Variants in PRDM16 observed in about 807,000 individuals in gnomAD.
PRDM16 encodes the protein histone-lysine N-methyltransferase PRDM16.
Under a neutral mutation model 110.6 loss-of-function variants are expected in PRDM16, and 23 were observed. The ratio of observed to expected loss-of-function variants is 0.21; its 90% CI spans 0.15 to 0.29. PRDM16 has a LOEUF of 0.29. PRDM16 is among the 10% of genes least tolerant of loss of function. The probability of loss-of-function intolerance (pLI) is 1.00; values close to 1 mark genes in which losing one functional copy is unlikely to be tolerated. For missense variants in PRDM16, 1,615 were observed against 1,794.3 expected, an observed-to-expected ratio of 0.90 and a Z score of 1.81; for synonymous variants, 799 against 781.8, an observed-to-expected ratio of 1.02 and a Z score of -0.37.
At chr1:3,076,359 G>T (rs1000414428) in intron 1 of PRDM16, among the ~76,000 whole-genome samples, 5 of 152,208 alleles carry the variant, frequency 3.3e-5, no homozygotes, top group Non-Finnish European at 7.3e-5. Context: ...CAGAGGATCT[G>T]TTGGGGCGGG....
chr1:3,099,021 C>T (rs1028561705), intron 1 of PRDM16, among the ~76,000 whole-genome samples: 5 of 152,222 alleles, frequency 3.3e-5, no homozygotes, highest in Non-Finnish European at 7.3e-5. Context: ...GAGGGTTGGG[C>T]CACCCACTCC....
At chr1:3,150,934 G>C (rs1382138880) in intron 1 of PRDM16, among the ~76,000 whole-genome samples, 1 of 88,424 alleles carries the variant, frequency 1.1e-5, no homozygotes, top group Non-Finnish European at 2.2e-5. Context: ...GAAACGGGGG[G>C]GCTGGTCCTA....
At chr1:3,356,085 G>T (rs1390955886) in intron 3 of PRDM16, among the ~76,000 whole-genome samples, 1 of 152,222 alleles carries the variant, frequency 6.6e-6, no homozygotes, top group Non-Finnish European at 1.5e-5. Flanking sequence ...GACCTTTCAT[G>T]TTCTTCTGGA....
At chr1:3,075,614 A>G (rs762971247) in intron 1 of PRDM16, among the ~76,000 whole-genome samples, 1 of 152,290 alleles carries the variant, frequency 6.6e-6, no homozygotes, top group Non-Finnish European at 1.5e-5. Flanking sequence ...CACTGTTAAA[A>G]TAATTTATAA....
chr1:3,419,927 C>G (rs554855221), intron 12 of PRDM16, among the ~76,000 whole-genome samples: 103 of 151,762 alleles, frequency 6.8e-4, no homozygotes, highest in Non-Finnish European at 9.9e-4. Flanking sequence ...ACAGGCCCCC[C>G]CTTACCCACC....
intron 12 of PRDM16, among the ~76,000 whole-genome samples, chr1:3,419,899 C>T (rs1238158325): frequency 6.6e-6 from 1 of 151,834 alleles, no homozygotes; most frequent in African/African-American, 2.4e-5. Flanking sequence ...GTTCAGCGCT[C>T]ACAGCCCTCC....
rs1052057900 is a variant in PRDM16, at chr1:3,190,140, A to G, written c.387+3666A>G. Among the ~76,000 whole-genome samples, 6 of 151,974 alleles carry G rather than the reference A, an allele frequency of 3.9e-5. No individual in the cohort carries two copies. The highest frequency in any genetic ancestry group is 1.2e-4 in the African/African-American group (5 of 41,344). ...AGATGGGGCGGGCAGCACGTGAGGC[A>G]CCCACGAGCTTTGGGTTCAAGGTCG... On this transcript the variant is annotated intron_variant, in intron 2 of 16. Coordinates refer to ENST00000270722, the MANE Select transcript of PRDM16 (RefSeq NM_022114.4). This position sits in a 1 kb window ranked among gnomAD's most constrained non-coding sequence, Gnocchi z 5.0.
chr1:3,311,393 G>A (rs927416015), intron 3 of PRDM16, among the ~76,000 whole-genome samples: 3 of 152,172 alleles, frequency 2.0e-5, no homozygotes, highest in African/African-American at 7.2e-5. Context: ...CTGGAAACCT[G>A]CCCGTGCATT....
intron 3 of PRDM16, among the ~76,000 whole-genome samples, chr1:3,361,908 G>C (rs1470249447): frequency 6.6e-6 from 1 of 151,002 alleles, no homozygotes; most frequent in Non-Finnish European, 1.5e-5. Context: ...CTGCGGTCCA[G>C]GAGGGCAGGT....
At chr1:3,285,574 G>T (rs1027780370) in intron 3 of PRDM16, among the ~76,000 whole-genome samples, 1 of 152,182 alleles carries the variant, frequency 6.6e-6, no homozygotes, top group Non-Finnish European at 1.5e-5. Context: ...TGACATGCTC[G>T]CTCGGGCTTC....
chr1:3,084,745 G>T (rs1348837438), intron 1 of PRDM16, among the ~76,000 whole-genome samples: 2 of 152,182 alleles, frequency 1.3e-5, no homozygotes, highest in African/African-American at 4.8e-5. Context: ...GTCCAGAGAG[G>T]CCCAGGCAGC....
chr1:3,355,900 C>T (rs1372880314), intron 3 of PRDM16, among the ~76,000 whole-genome samples: 2 of 152,088 alleles, frequency 1.3e-5, no homozygotes, highest in African/African-American at 4.8e-5. Context: ...CCCTTCCTCC[C>T]CCAAACACCC....
intron 2 of PRDM16, among the ~76,000 whole-genome samples, chr1:3,200,931 A>G (rs1383850451): frequency 1.3e-5 from 2 of 150,890 alleles, no homozygotes; most frequent in African/African-American, 2.4e-5. Context: ...GAGGAGGAAG[A>G]GGAGCAGGAA....
Position 3,431,203 on chromosome 1 carries a change from C to T in PRDM16, c.3521+95C>T, listed in dbSNP as rs942464731. 26 of 1,482,424 alleles carry T rather than the reference C, an allele frequency of 1.8e-5. No homozygotes were observed. In the African/African-American group the frequency reaches 2.9e-4, roughly 17 times the overall value. The allele number at this position is 1,482,424 out of a possible 1,614,324, so 91.8% of individuals were successfully genotyped here. ...CCTCTTCAGCCACTCGTGAGCCCAT[C>T]CCTGGCTCAGCCCCTACTCCAGCAC... On this transcript the variant is annotated intron_variant, in intron 15 of 16. Transcript: ENST00000270722.
chr1:3,086,825 C>CA (rs774834841), intron 1 of PRDM16, among the ~76,000 whole-genome samples: 1 of 152,144 alleles, frequency 6.6e-6, no homozygotes, highest in Non-Finnish European at 1.5e-5. Flanking sequence ...AAAAGATCTG[C>CA]AGAAATGCGC....
intron 5 of PRDM16, 124 bp from the exon 6 acceptor site, chr1:3,402,667 G>T (rs2100641925): frequency 1.3e-6 from 1 of 779,568 alleles, no homozygotes; most frequent in Non-Finnish European, 2.1e-6. Flanking sequence ...AGCAGTGCAG[G>T]ACTGGCCAGC....
intron 2 of PRDM16, among the ~76,000 whole-genome samples, chr1:3,191,403 T>C (rs1638306862): frequency 6.6e-6 from 1 of 152,136 alleles, no homozygotes; most frequent in African/African-American, 2.4e-5. Flanking sequence ...CCCAAGCCGG[T>C]GCCTCCTGGG....
At chr1:3,182,183 C>T (rs1489358134) in intron 1 of PRDM16, among the ~76,000 whole-genome samples, 1 of 152,254 alleles carries the variant, frequency 6.6e-6, no homozygotes. Flanking sequence ...GGAAGCACAG[C>T]CAGGCAGATA....
chr1:3,310,624 A>G (rs2483260), intron 3 of PRDM16, among the ~76,000 whole-genome samples: 79,379 of 151,958 alleles, frequency 0.52, 21,776 homozygotes, highest in African/African-American at 0.7. Context: ...CACCTGCCAA[A>G]CCAGCAAGCA....
Sources: allele counts gnomAD v4.1 joint callset (sites outside exome capture counted in the v4.1 genomes callset), GRCh38; gene constraint gnomAD v4.1.1; non-coding constraint Gnocchi (gnomAD v3.1); transcripts MANE v1.5; gene names NCBI Gene and HGNC (gene_info 2026-07-23, HGNC 2026-07-21).